Variants in PAPSS2 observed in about 807,000 individuals in gnomAD.
PAPSS2 encodes bifunctional 3'-phosphoadenosine 5'-phosphosulfate synthase 2.
Under a neutral mutation model 66.5 loss-of-function variants are expected in PAPSS2, and 61 were observed. The ratio of observed to expected loss-of-function variants is 0.92; its 90% confidence interval spans 0.75 to 1.14. PAPSS2 has a LOEUF of 1.14. Ranked by LOEUF, PAPSS2 falls within the 50% of genes most tolerant of loss-of-function variation. The probability of loss-of-function intolerance (pLI) is 0.00; values close to 1 mark genes in which losing one functional copy is unlikely to be tolerated. For missense variants in PAPSS2, 708 were observed against 789.6 expected (o/e 0.90, Z 1.24); for synonymous variants, 289 against 287.5 (o/e 1.01, Z -0.05).
At chr10:87,720,389 G>A (rs1388933930) in intron 7 of PAPSS2, among the ~76,000 whole-genome samples, 1 of 152,168 alleles carries the variant, frequency 6.6e-6, no homozygotes, top group East Asian at 1.9e-4. Flanking sequence ...TGCCTCACCT[G>A]ATGGCGTTTG....
Position 87,692,383 on chromosome 10 carries a change from G to T in PAPSS2, c.28-16813G>T, listed in dbSNP as rs940847781. On this transcript the variant is annotated intron_variant, in intron 1 of 12. Transcript: ENST00000456849. Reference sequence around the variant, plus strand: ...GGAAGCAGGTACAAATCACTGAGGGGTGTAGGGAGGAAGAGTAGAAGAGTG... The same window carrying T: ...GGAAGCAGGTACAAATCACTGAGGGTTGTAGGGAGGAAGAGTAGAAGAGTG... Among the ~76,000 whole-genome samples, 3 of 152,164 alleles carry T rather than the reference G, an allele frequency of 2.0e-5. No homozygotes were observed. The South Asian group carries it at 6.2e-4, about 31-fold the overall frequency.
intron 1 of PAPSS2, among the ~76,000 whole-genome samples, chr10:87,681,440 G>A (rs1187785995): frequency 1.3e-5 from 2 of 152,166 alleles, no homozygotes; most frequent in Non-Finnish European, 2.9e-5. Flanking sequence ...TGTACATTTT[G>A]GAACTACTAC....
At chr10:87,735,533 G>GAT (rs1853787772) in intron 9 of PAPSS2, among the ~76,000 whole-genome samples, 1 of 152,160 alleles carries the variant, frequency 6.6e-6, no homozygotes. Context: ...TATAGGTATG[G>GAT]ATATTTGAAA....
At chr10:87,679,310 G>A (rs1852987924) in intron 1 of PAPSS2, among the ~76,000 whole-genome samples, 1 of 152,110 alleles carries the variant, frequency 6.6e-6, no homozygotes. Flanking sequence ...AACAAAGATA[G>A]GTTAACAGGT....
At chr10:87,686,506 C>G (rs1241313509) in intron 1 of PAPSS2, among the ~76,000 whole-genome samples, 1 of 152,086 alleles carries the variant, frequency 6.6e-6, no homozygotes, top group African/African-American at 2.4e-5. Flanking sequence ...TACACACACC[C>G]GCTCCTGGGA....
chr10:87,722,345 G>A (rs1408762758), intron 8 of PAPSS2, among the ~76,000 whole-genome samples: 1 of 152,146 alleles, frequency 6.6e-6, no homozygotes, highest in Admixed American at 6.5e-5. Flanking sequence ...AGAATGAAAA[G>A]GTAGAATTCT....
intron 9 of PAPSS2, among the ~76,000 whole-genome samples, chr10:87,731,830 T>C (rs1853733439): frequency 6.6e-6 from 1 of 152,222 alleles, no homozygotes; most frequent in Non-Finnish European, 1.5e-5. Flanking sequence ...GAGGAGTTGC[T>C]TCCTATGAAT....
chr10:87,737,303 A>T (rs576261608), intron 9 of PAPSS2, among the ~76,000 whole-genome samples: 9 of 152,264 alleles, frequency 5.9e-5, no homozygotes, highest in Admixed American at 2.6e-4. Flanking sequence ...TGAGACTGGG[A>T]ATAGAAAAGT....
chr10:87,686,145 T>C (rs530711128), intron 1 of PAPSS2, among the ~76,000 whole-genome samples: 1 of 151,776 alleles, frequency 6.6e-6, no homozygotes, highest in African/African-American at 2.4e-5. Context: ...AAGGTGGTTT[T>C]TTTTTTTTTT....
intron 9 of PAPSS2, among the ~76,000 whole-genome samples, chr10:87,728,863 G>A (rs769775657): frequency 2.8e-4 from 43 of 152,146 alleles, no homozygotes; most frequent in Non-Finnish European, 5.1e-4. Context: ...AGATAGGAAA[G>A]ACCTTTTAAG....
At chr10:87,700,440 T>C (rs1339764840) in intron 1 of PAPSS2, among the ~76,000 whole-genome samples, 1 of 152,220 alleles carries the variant, frequency 6.6e-6, no homozygotes. Flanking sequence ...GAGAATCACT[T>C]GAGTCTAGGA....
chr10:87,714,429 A>G (rs1459595710), intron 4 of PAPSS2, among the ~76,000 whole-genome samples: 1 of 152,144 alleles, frequency 6.6e-6, no homozygotes, highest in Non-Finnish European at 1.5e-5. Context: ...ATGGATATTT[A>G]TATGTGAGTG....
chr10:87,727,625 G>T (rs1038897478), intron 9 of PAPSS2, 136 bp downstream of exon 9: 3 of 796,364 alleles, frequency 3.8e-6, no homozygotes, highest in Non-Finnish European at 6.4e-6. Context: ...GGTAGTGTTT[G>T]CAGGCTTTGC....
intron 3 of PAPSS2, among the ~76,000 whole-genome samples, chr10:87,713,767 C>T (rs957385438): frequency 1.3e-5 from 2 of 152,194 alleles, no homozygotes; most frequent in Non-Finnish European, 2.9e-5. Context: ...GGGAGCCAAA[C>T]ATCAGATGTA....
chr10:87,661,393 AAAT>A (rs1481728396), intron 1 of PAPSS2, among the ~76,000 whole-genome samples: 1 of 152,176 alleles, frequency 6.6e-6, no homozygotes, highest in Non-Finnish European at 1.5e-5. Context: ...CATATTTTTG[AAAT>A]AATAAATGAA....
intron 9 of PAPSS2, among the ~76,000 whole-genome samples, chr10:87,735,402 A>C (rs1010528591): frequency 2.0e-5 from 3 of 152,186 alleles, no homozygotes; most frequent in African/African-American, 4.8e-5. Flanking sequence ...TCACCAATAG[A>C]TAGAGCAATA....
In PAPSS2 at chr10:87,747,133, C is replaced by T. The variant is rs905369239; in HGVS notation, c.*1163C>T. On this transcript the variant is annotated 3_prime_UTR_variant, in exon 13 of 13. Coordinates refer to ENST00000456849, the MANE Select transcript of PAPSS2 (RefSeq NM_001015880.2). Reference sequence around the variant, plus strand: ...GAAAGTGCTTACAAAGCTGCCTTCTCGGATACTGAAAGGTCGAGTTTTCTG... The same window carrying T: ...GAAAGTGCTTACAAAGCTGCCTTCTTGGATACTGAAAGGTCGAGTTTTCTG... 1 of 150,936 alleles carries T rather than the reference C, an allele frequency of 6.6e-6. No homozygotes were observed. Among genetic ancestry groups the T allele is most frequent in the Non-Finnish European group, 1.5e-5 (1 of 67,896 alleles). The allele number at this position is 150,936 out of a possible 1,614,324, so 9.3% of individuals were successfully genotyped here.
intron 9 of PAPSS2, among the ~76,000 whole-genome samples, chr10:87,729,235 TC>T (rs150417256): frequency 0.47 from 69,138 of 146,526 alleles, 16,420 homozygotes; most frequent in East Asian, 0.7. Flanking sequence ...GCTTTTCTTT[TC>T]TTTTTTTTTT....
At chr10:87,679,367 G>A (rs1465359552) in intron 1 of PAPSS2, among the ~76,000 whole-genome samples, 1 of 152,188 alleles carries the variant, frequency 6.6e-6, no homozygotes, top group Non-Finnish European at 1.5e-5. Context: ...TCGTTCTACA[G>A]CAGAGCAGAG....
Sources: allele counts gnomAD v4.1 joint callset (sites outside exome capture counted in the v4.1 genomes callset), GRCh38; gene constraint gnomAD v4.1.1; transcripts MANE v1.5; gene names NCBI Gene and HGNC (gene_info 2026-07-23, HGNC 2026-07-21).